PCDH15: variants seen among roughly 807,000 people sequenced by gnomAD.
The protein encoded by PCDH15 is protocadherin-15.
In PCDH15, 129 loss-of-function variants were observed where a neutral mutation model predicts 178.5. The ratio of observed to expected loss-of-function variants is 0.72; its 90% confidence interval spans 0.63 to 0.84. The LOEUF (loss-of-function observed/expected upper bound fraction) is 0.84. Among genes scored for constraint, PCDH15 ranks in the 40% least tolerant of loss-of-function variants. The pLI, the probability that PCDH15 is intolerant of heterozygous loss-of-function variation, is 0.00. For synonymous variants in PCDH15, 800 were observed against 732.0 expected, an observed-to-expected ratio of 1.09 and a Z score of -1.50; for missense variants, 2,230 against 2,099.9, an observed-to-expected ratio of 1.06 and a Z score of -1.21.
intron 2 of PCDH15, among the ~76,000 whole-genome samples, chr10:54,995,839 G>A (rs1304506421): frequency 6.6e-6 from 1 of 151,278 alleles, no homozygotes; most frequent in Non-Finnish European, 1.5e-5. Flanking sequence ...CCTGTTGTCT[G>A]TTGACAAACT....
At chr10:54,223,075 G>A (rs1224605353) in intron 9 of PCDH15, among the ~76,000 whole-genome samples, 2 of 152,058 alleles carry the variant, frequency 1.3e-5, no homozygotes, top group African/African-American at 4.8e-5. Context: ...ACTTTCGAAG[G>A]CTGAGGTGGG....
chr10:55,387,929 T>A (rs1837701206), intron 2 of PCDH15, among the ~76,000 whole-genome samples: 1 of 152,086 alleles, frequency 6.6e-6, no homozygotes, highest in Non-Finnish European at 1.5e-5. Flanking sequence ...ATTTCCTTTC[T>A]AATTGCAGCT....
At chr10:54,939,052 T>C (rs1200486781) in intron 2 of PCDH15, among the ~76,000 whole-genome samples, 2 of 152,174 alleles carry the variant, frequency 1.3e-5, no homozygotes, top group Admixed American at 6.5e-5. Flanking sequence ...TGTAAAACAA[T>C]ACATTTATGT....
intron 3 of PCDH15, among the ~76,000 whole-genome samples, chr10:54,416,324 G>A (rs999395341): frequency 6.6e-6 from 1 of 151,868 alleles, no homozygotes; most frequent in African/African-American, 2.4e-5. Flanking sequence ...CCATCCCTGT[G>A]TCCACGTGTT....
chr10:53,978,383 G>A (rs1397095082), intron 21 of PCDH15, among the ~76,000 whole-genome samples: 4 of 152,106 alleles, frequency 2.6e-5, no homozygotes, highest in Admixed American at 2.0e-4. Flanking sequence ...TGAAGCGATG[G>A]CCTGAACTGT....
Position 54,800,906 on chromosome 10 carries a change from G to T in PCDH15, c.-29+19C>A, listed in dbSNP as rs779463790. ...CTTAAATTTGAAAAAAATAAGAGAAGGGCGGGGGAAGAACTTACTTGCGGT... is the reference window on the plus strand; with the variant it reads ...CTTAAATTTGAAAAAAATAAGAGAATGGCGGGGGAAGAACTTACTTGCGGT... On this transcript the variant is annotated intron_variant, in intron 1 of 37. Transcript: ENST00000644397. 7 of 152,092 alleles carry T rather than the reference G, an allele frequency of 4.6e-5. No homozygotes were observed. The highest frequency in any genetic ancestry group is 7.2e-5 in the African/African-American group (3 of 41,410). The allele number at this position is 152,092 out of a possible 1,614,324, so 9.4% of individuals were successfully genotyped here.
At chr10:54,216,396 T>C (rs1348271765) in intron 9 of PCDH15, among the ~76,000 whole-genome samples, 2 of 152,032 alleles carry the variant, frequency 1.3e-5, no homozygotes, top group Non-Finnish European at 2.9e-5. Flanking sequence ...ACATGGAGGT[T>C]GCGTGAGCTG....
intron 2 of PCDH15, among the ~76,000 whole-genome samples, chr10:54,574,543 G>T (rs2090238603): frequency 6.7e-6 from 1 of 148,344 alleles, no homozygotes; most frequent in African/African-American, 2.5e-5. Flanking sequence ...AAAAACACGT[G>T]AAAAAATGCT....
intron 3 of PCDH15, among the ~76,000 whole-genome samples, chr10:54,857,622 CTT>C (rs527831721): frequency 5.6e-5 from 8 of 142,192 alleles, no homozygotes; most frequent in Admixed American, 7.1e-5. Flanking sequence ...ATTTTTTTTT[CTT>C]TTTTTTTTTT....
intron 2 of PCDH15, among the ~76,000 whole-genome samples, chr10:55,432,595 G>A (rs971284306): frequency 3.3e-5 from 5 of 151,936 alleles, no homozygotes; most frequent in African/African-American, 1.2e-4. Context: ...ATAATATGAA[G>A]AGACATTTCA....
intron 2 of PCDH15, among the ~76,000 whole-genome samples, chr10:54,636,652 A>G (rs2093860482): frequency 6.6e-6 from 1 of 151,978 alleles, no homozygotes; most frequent in Admixed American, 6.6e-5. Context: ...AAGGGGAAAG[A>G]GCAGAATTGA....
At chr10:54,837,745 A>C (rs1269101618) in intron 3 of PCDH15, among the ~76,000 whole-genome samples, 1 of 152,148 alleles carries the variant, frequency 6.6e-6, no homozygotes, top group Non-Finnish European at 1.5e-5. Context: ...CATGAATGAA[A>C]ATGCCTTTGT....
At chr10:54,853,318 TACATACACACACATATAC>T (rs1953671343) in intron 3 of PCDH15, among the ~76,000 whole-genome samples, 2 of 102,012 alleles carry the variant, frequency 2.0e-5, no homozygotes, top group African/African-American at 8.6e-5. Flanking sequence ...TATATATATA[TACATACACACACATATAC>T]ATATATATAC....
chr10:55,447,303 T>C (rs943652822), intron 2 of PCDH15, among the ~76,000 whole-genome samples: 6 of 151,992 alleles, frequency 3.9e-5, no homozygotes, highest in Non-Finnish European at 8.8e-5. Flanking sequence ...AAAAACTCTA[T>C]GGGGAAATTA....
At chr10:53,956,391 A>G (rs993678085) in intron 23 of PCDH15, among the ~76,000 whole-genome samples, 3 of 152,306 alleles carry the variant, frequency 2.0e-5, no homozygotes, top group Admixed American at 6.5e-5. Context: ...ATTGAAGATG[A>G]TAATCATTAG....
intron 2 of PCDH15, among the ~76,000 whole-genome samples, chr10:54,556,098 C>A (rs1206816797): frequency 6.6e-6 from 1 of 152,164 alleles, no homozygotes; most frequent in East Asian, 1.9e-4. Context: ...TTATTTCAGA[C>A]CTTGCAACTA....
At chr10:55,113,414 TAA>T (rs937325132) in intron 2 of PCDH15, among the ~76,000 whole-genome samples, 5 of 139,116 alleles carry the variant, frequency 3.6e-5, no homozygotes, top group Admixed American at 7.2e-5. Flanking sequence ...AGTTCCATGC[TAA>T]AAAAAAAAAA....
intron 20 of PCDH15, among the ~76,000 whole-genome samples, chr10:53,999,395 T>C (rs2092014119): frequency 6.6e-6 from 1 of 152,208 alleles, no homozygotes; most frequent in Non-Finnish European, 1.5e-5. Context: ...TGCTGGGTTT[T>C]TTTCTCTCTC....
chr10:54,194,690 A>ATC lies in PCDH15; in HGVS notation c.1305+992_1305+993insGA, dbSNP rs374130187. Among the ~76,000 whole-genome samples, 858 of 145,476 alleles carry ATC rather than the reference A, an allele frequency of 5.9e-3. 9 individuals carry two copies. The highest frequency in any genetic ancestry group is 0.021 in the African/African-American group (813 of 39,372). ...TATCTATCTATCTATCTATCTATCTATATCTGTATGTGTATGTATACCTGT... is the reference window on the plus strand; with the variant it reads ...TATCTATCTATCTATCTATCTATCTATCTATCTGTATGTGTATGTATACCTGT... On this transcript the variant is annotated intron_variant, in intron 11 of 37. Transcript: ENST00000644397.
Sources: gnomAD v4.1 joint callset for allele counts (sites outside exome capture counted in the v4.1 genomes callset) on GRCh38, gnomAD v4.1.1 for gene constraint, MANE v1.5 for transcripts, NCBI Gene and HGNC (gene_info 2026-07-23, HGNC 2026-07-21) for gene names.